GALNT13: variants seen among roughly 807,000 people sequenced by gnomAD.
GALNT13 encodes polypeptide N-acetylgalactosaminyltransferase 13.
GALNT13 carries 28 observed loss-of-function variants against 64.2 expected under a neutral mutation model. The ratio of observed to expected loss-of-function variants is 0.44; its 90% CI spans 0.32 to 0.60. The LOEUF (loss-of-function observed/expected upper bound fraction) is 0.60, where lower values mean the gene tolerates loss of function less well. Among genes scored for constraint, GALNT13 ranks in the 20% least tolerant of loss-of-function variants. The pLI is 0.05. For missense variants in GALNT13, 577 were observed against 669.8 expected (o/e 0.86, Z 1.53); for synonymous variants, 214 against 224.6 (o/e 0.95, Z 0.42).
the GALNT13 span, among the ~76,000 whole-genome samples, chr2:153,836,998 CTT>C: frequency 1.3e-5 from 2 of 151,522 alleles, no homozygotes; most frequent in East Asian, 3.9e-4. Context: ...AGCAGCATGA[CTT>C]ATAGTCCTTT....
chr2:154,316,417 AT>A lies in GALNT13; in HGVS notation c.1156+14834del, dbSNP rs1358409954. On this transcript the variant is annotated intron_variant, in intron 9 of 12. Coordinates refer to ENST00000392825, the MANE Select transcript of GALNT13 (RefSeq NM_052917.4). ...TGATTTAATTATGTTTTCAACAAAA[AT>A]TTTTTATTAAAATTAAGGAATATAG... 5.9e-5 allele frequency among the ~76,000 whole-genome samples: 9 copies of A among 151,962 alleles called. No individual in the cohort carries two copies. In the East Asian group the frequency reaches 7.7e-4, roughly 13 times the overall value.
the GALNT13 span, among the ~76,000 whole-genome samples, chr2:153,642,325 C>T: frequency 2.0e-5 from 3 of 151,678 alleles, no homozygotes; most frequent in Non-Finnish European, 4.4e-5. Flanking sequence ...AGTTACTTTT[C>T]AAAGCATTTT....
Position 154,011,835 on chromosome 2 carries a change from G to C in GALNT13, c.142+67196G>C, listed in dbSNP as rs138405814. 5.4e-3 allele frequency among the ~76,000 whole-genome samples: 815 copies of C among 152,130 alleles called. 5 individuals carry two copies. The highest frequency in any genetic ancestry group is 0.018 in the African/African-American group (748 of 41,516). ...AATTATGTAATGTGCTTGTCTTTTTGATCATTCTTGGTCTAATGTTTGTTT... is the reference window on the plus strand; with the variant it reads ...AATTATGTAATGTGCTTGTCTTTTTCATCATTCTTGGTCTAATGTTTGTTT... On this transcript the variant is annotated intron_variant, in intron 3 of 12. Coordinates refer to ENST00000392825, the MANE Select transcript of GALNT13 (RefSeq NM_052917.4).
At chr2:153,531,061 T>C in the GALNT13 span, among the ~76,000 whole-genome samples, 1 of 152,098 alleles carries the variant, frequency 6.6e-6, no homozygotes, top group Non-Finnish European at 1.5e-5. Flanking sequence ...TTAAAAAACT[T>C]CTGTATAGCA....
chr2:154,147,862 A>C (rs549941889), intron 4 of GALNT13, among the ~76,000 whole-genome samples: 1 of 151,200 alleles, frequency 6.6e-6, no homozygotes, highest in Non-Finnish European at 1.5e-5. Context: ...CATGGTTGTT[A>C]ATGTGTTCTT....
intron 2 of GALNT13, among the ~76,000 whole-genome samples, chr2:153,915,501 C>G (rs1175235942): frequency 6.6e-6 from 1 of 152,168 alleles, no homozygotes; most frequent in East Asian, 1.9e-4. Flanking sequence ...GTGACTACCT[C>G]ATTCTCTCTT....
the GALNT13 span, among the ~76,000 whole-genome samples, chr2:153,524,321 C>CTT: frequency 2.1e-4 from 28 of 135,098 alleles, no homozygotes; most frequent in African/African-American, 5.2e-4. Context: ...TATTCCTTCT[C>CTT]TTTTTTTTTT....
chr2:154,281,533 G>A (rs535608341), intron 8 of GALNT13, among the ~76,000 whole-genome samples: 1 of 152,090 alleles, frequency 6.6e-6, no homozygotes, highest in Non-Finnish European at 1.5e-5. Flanking sequence ...GTTGTCGAAA[G>A]GCAAAAAGTG....
rs546624417 is a variant in GALNT13 at position 154,268,846 on chromosome 2, C to T, written c.975+9708C>T. Among the ~76,000 whole-genome samples the T allele has an allele frequency of 1.4e-4, 21 of 152,214 alleles. 1 individual carries two copies. Among genetic ancestry groups the T allele is most frequent in the Admixed American group, 5.9e-4 (9 of 15,264 alleles). On this transcript the variant is annotated intron_variant, in intron 8 of 12. Transcript: ENST00000392825. ...TTAAATGAAGTAATACTCATTAAAG[C>T]TGTTTATAAATAAACTGTATGGCAA...
the GALNT13 span, among the ~76,000 whole-genome samples, chr2:153,296,495 T>C: frequency 9.8e-5 from 15 of 152,306 alleles, no homozygotes; most frequent in South Asian, 2.1e-4. Context: ...TAATTAGAAG[T>C]TCATAATGGA....
the GALNT13 span, among the ~76,000 whole-genome samples, chr2:153,324,996 A>G: frequency 2.6e-5 from 4 of 152,078 alleles, no homozygotes; most frequent in African/African-American, 9.7e-5. Flanking sequence ...CTGCTCTCAT[A>G]CAATGATTTA....
At chr2:153,989,246 C>T (rs1397013474) in intron 3 of GALNT13, among the ~76,000 whole-genome samples, 2 of 151,818 alleles carry the variant, frequency 1.3e-5, no homozygotes, top group African/African-American at 2.4e-5. Context: ...AATCAACATA[C>T]GGTCATAGAT....
intron 9 of GALNT13, among the ~76,000 whole-genome samples, chr2:154,321,666 G>C (rs893798773): frequency 6.6e-6 from 1 of 151,794 alleles, no homozygotes; most frequent in African/African-American, 2.4e-5. Context: ...AGTATGTAAA[G>C]ATATTGAAAC....
chr2:154,036,822 G>C (rs563603617), intron 3 of GALNT13, among the ~76,000 whole-genome samples: 1 of 152,088 alleles, frequency 6.6e-6, no homozygotes, highest in South Asian at 2.1e-4. Context: ...AACACTTGTG[G>C]AATTTTAAAG....
the GALNT13 span, among the ~76,000 whole-genome samples, chr2:153,185,460 G>T: frequency 1.3e-5 from 2 of 152,026 alleles, no homozygotes; most frequent in African/African-American, 4.8e-5. Flanking sequence ...ATCTCCTTCA[G>T]TTCAGCTCTG....
At chr2:154,145,932 G>T (rs1200188734) in intron 4 of GALNT13, among the ~76,000 whole-genome samples, 1 of 151,844 alleles carries the variant, frequency 6.6e-6, no homozygotes, top group African/African-American at 2.4e-5. Context: ...TCCAATCTCT[G>T]TTCCACATCT....
the GALNT13 span, among the ~76,000 whole-genome samples, chr2:153,083,917 G>A: frequency 6.6e-6 from 1 of 152,274 alleles, no homozygotes; most frequent in South Asian, 2.1e-4. Context: ...TTTTGCATAA[G>A]GTGAGAGATG....
chr2:154,095,027 A>G (rs1702006723), intron 3 of GALNT13, among the ~76,000 whole-genome samples: 1 of 151,974 alleles, frequency 6.6e-6, no homozygotes, highest in African/African-American at 2.4e-5. Flanking sequence ...TTTATTTTCA[A>G]TAGAGAAAAT....
intron 11 of GALNT13, chr2:154,436,358 T>C (rs1397097523): frequency 6.6e-6 from 1 of 152,232 alleles, no homozygotes; most frequent in East Asian, 1.9e-4. Context: ...GACTGCTCTC[T>C]GAAAGGTTCA....
Sources: gnomAD v4.1 joint callset for allele counts (sites outside exome capture counted in the v4.1 genomes callset) on GRCh38, gnomAD v4.1.1 for gene constraint, MANE v1.5 for transcripts, NCBI Gene and HGNC (gene_info 2026-07-23, HGNC 2026-07-21) for gene names.